The following LPP variants were observed in gnomAD, a reference collection of about 807,000 sequenced individuals.
The protein encoded by LPP is lipoma-preferred partner.
LPP carries 38 observed loss-of-function variants against 60.4 expected under a neutral mutation model. The observed-to-expected ratio is 0.63, with a 90% CI of 0.49 to 0.83. LPP has a LOEUF of 0.83. Among genes scored for constraint, LPP ranks in the 40% least tolerant of loss-of-function variants. LPP has a pLI of 0.00. For synonymous variants in LPP, 328 were observed against 290.8 expected, an observed-to-expected ratio of 1.13 and a Z score of -1.30; for missense variants, 902 against 783.6, an observed-to-expected ratio of 1.15 and a Z score of -1.80.
chr3:188,195,749 G>T (rs892429473), intron 1 of LPP, among the ~76,000 whole-genome samples: 2 of 152,042 alleles, frequency 1.3e-5, no homozygotes, highest in Non-Finnish European at 2.9e-5. Flanking sequence ...GGATATATTG[G>T]GTTAAATTAA....
chr3:188,798,789 G>GT (rs1434184780), intron 9 of LPP, among the ~76,000 whole-genome samples: 41 of 131,890 alleles, frequency 3.1e-4, no homozygotes, highest in Non-Finnish European at 5.7e-4. Flanking sequence ...TGCTGAGTAG[G>GT]AATAAGAGAA....
At chr3:188,450,038 C>T (rs1469594808) in intron 4 of LPP, among the ~76,000 whole-genome samples, 2 of 152,046 alleles carry the variant, frequency 1.3e-5, no homozygotes, top group East Asian at 1.9e-4. Flanking sequence ...CTCCTGACCT[C>T]GTGATCCGCC....
At chr3:188,542,217 C>T (rs934341524) in intron 6 of LPP, among the ~76,000 whole-genome samples, 2 of 152,162 alleles carry the variant, frequency 1.3e-5, no homozygotes, top group Admixed American at 6.5e-5. Context: ...GATATTAATA[C>T]CTCCTCTGCT....
At chr3:188,734,668 C>A (rs1257325875) in intron 8 of LPP, among the ~76,000 whole-genome samples, 1 of 152,206 alleles carries the variant, frequency 6.6e-6, no homozygotes, top group Non-Finnish European at 1.5e-5. Context: ...AACCTCCTTC[C>A]CTGGGGAATT....
chr3:188,311,471 T>TCTAAA (rs56278922), intron 2 of LPP, among the ~76,000 whole-genome samples: 14,486 of 141,922 alleles, frequency 0.1, 885 homozygotes, highest in East Asian at 0.2. Context: ...AGACCCTATC[T>TCTAAA]CTAAACTAAA....
intron 3 of LPP, among the ~76,000 whole-genome samples, chr3:188,384,633 T>A (rs9848000): frequency 0.51 from 76,544 of 151,094 alleles, 19,574 homozygotes; most frequent in East Asian, 0.7. Context: ...CTACTAAAAA[T>A]TCAAAAATCA....
chr3:188,853,164 G>A (rs939639331), intron 9 of LPP, among the ~76,000 whole-genome samples: 5 of 152,032 alleles, frequency 3.3e-5, no homozygotes, highest in Admixed American at 3.3e-4. Flanking sequence ...AAAAAAAAAG[G>A]TTAGCATTAG....
chr3:188,593,556 C>CGTAT (rs1839379853), intron 6 of LPP, among the ~76,000 whole-genome samples: 1 of 151,906 alleles, frequency 6.6e-6, no homozygotes, highest in African/African-American at 2.4e-5. Context: ...GAGCAGTATA[C>CGTAT]ACTGCACCAT....
At chr3:188,647,219 C>G (rs1424321559) in intron 7 of LPP, among the ~76,000 whole-genome samples, 1 of 152,200 alleles carries the variant, frequency 6.6e-6, no homozygotes, top group African/African-American at 2.4e-5. Flanking sequence ...CTGGGCCCAC[C>G]CTGTGCAGGA....
chr3:188,252,065 T>C (rs1412819199), intron 2 of LPP, among the ~76,000 whole-genome samples: 1 of 105,350 alleles, frequency 9.5e-6, no homozygotes, highest in African/African-American at 4.0e-5. Context: ...TATATATATA[T>C]ATATATATAT....
chr3:188,617,068 A>G (rs561028586), intron 7 of LPP, among the ~76,000 whole-genome samples: 35 of 152,234 alleles, frequency 2.3e-4, no homozygotes, highest in South Asian at 1.2e-3. Context: ...CTATTCATCA[A>G]CATTTTATGT....
At chr3:188,638,068 G>T (rs1177619675) in intron 7 of LPP, among the ~76,000 whole-genome samples, 1 of 148,698 alleles carries the variant, frequency 6.7e-6, no homozygotes, top group Non-Finnish European at 1.5e-5. Context: ...CCAAAAAAGA[G>T]AATTTTAGAC....
At chr3:188,804,753 A>C (rs918817425) in intron 9 of LPP, among the ~76,000 whole-genome samples, 8 of 152,084 alleles carry the variant, frequency 5.3e-5, no homozygotes, top group Admixed American at 5.2e-4. Flanking sequence ...AGTGGTGAAC[A>C]TGAACATTTT....
At chr3:188,476,600 A>T (rs1803296515) in intron 4 of LPP, among the ~76,000 whole-genome samples, 1 of 152,214 alleles carries the variant, frequency 6.6e-6, no homozygotes, top group Non-Finnish European at 1.5e-5. Flanking sequence ...CTATACTATT[A>T]TCAATTCTGT....
chr3:188,708,953 G>A (rs1441116964), intron 8 of LPP: 2 of 152,526 alleles, frequency 1.3e-5, no homozygotes, highest in Non-Finnish European at 2.9e-5. Flanking sequence ...CCATTAGGCA[G>A]AAATAGGATT....
chr3:188,677,568 G>C (rs916823337), intron 7 of LPP, among the ~76,000 whole-genome samples: 1 of 152,126 alleles, frequency 6.6e-6, no homozygotes, highest in East Asian at 1.9e-4. Context: ...TTTAAAAGCT[G>C]TTATTAAATC....
At chr3:188,332,830 GT>G (rs1258554726) in intron 2 of LPP, among the ~76,000 whole-genome samples, 2 of 152,150 alleles carry the variant, frequency 1.3e-5, no homozygotes, top group Admixed American at 6.6e-5. Context: ...TTAGGGCTTG[GT>G]TTTGTTTGAT....
intron 1 of LPP, among the ~76,000 whole-genome samples, chr3:188,175,662 C>A (rs1182626951): frequency 6.6e-6 from 1 of 152,142 alleles, no homozygotes; most frequent in Non-Finnish European, 1.5e-5. Flanking sequence ...CAAATGCTCT[C>A]TTATTCCTTC....
At chr3:188,430,870 T>C (rs1790719567) in intron 4 of LPP, among the ~76,000 whole-genome samples, 1 of 152,144 alleles carries the variant, frequency 6.6e-6, no homozygotes, top group African/African-American at 2.4e-5. Flanking sequence ...TAGAAGTTAT[T>C]TGTTCCAGAA....
Sources: allele counts gnomAD v4.1 joint callset (sites outside exome capture counted in the v4.1 genomes callset), GRCh38; gene constraint gnomAD v4.1.1; transcripts MANE v1.5; gene names NCBI Gene and HGNC (gene_info 2026-07-23, HGNC 2026-07-21).